NOX3: variants seen among roughly 807,000 people sequenced by gnomAD.
NOX3 encodes the protein NADPH oxidase catalytic subunit-like 3.
A neutral mutation model predicts 76.7 loss-of-function variants in NOX3; 74 were observed. The observed-to-expected ratio is 0.96, with a 90% CI of 0.80 to 1.17. NOX3 has a LOEUF of 1.17. Ranked by LOEUF, NOX3 falls within the 50% of genes most tolerant of loss-of-function variation. The pLI is 0.00. For synonymous variants in NOX3, 263 were observed against 261.1 expected (o/e 1.01, Z -0.07); for missense variants, 695 against 703.3 (o/e 0.99, Z 0.13).
chr6:155,451,628 T>G (rs1777140868), intron 4 of NOX3, among the ~76,000 whole-genome samples: 2 of 151,670 alleles, frequency 1.3e-5, no homozygotes, highest in African/African-American at 4.8e-5. Context: ...TTCTGTTGTA[T>G]TTTTTTTTCT....
intron 9 of NOX3, among the ~76,000 whole-genome samples, chr6:155,423,113 A>G (rs1776712298): frequency 6.6e-6 from 1 of 152,182 alleles, no homozygotes; most frequent in South Asian, 2.1e-4. Flanking sequence ...CTCTCGCTAT[A>G]GCTCAGGCCT....
chr6:155,436,139 A>T (rs936664246), intron 7 of NOX3, among the ~76,000 whole-genome samples: 2 of 151,802 alleles, frequency 1.3e-5, no homozygotes, highest in African/African-American at 4.8e-5. Flanking sequence ...CCCAAGGCTG[A>T]CTCCTCCAGG....
intron 9 of NOX3, among the ~76,000 whole-genome samples, chr6:155,427,160 T>C (rs903274544): frequency 1.3e-5 from 2 of 151,962 alleles, no homozygotes; most frequent in Non-Finnish European, 2.9e-5. Flanking sequence ...AAAAAGAAAA[T>C]AGTCATGTGT....
chr6:155,395,735 C>A (rs151223), intron 13 of NOX3, among the ~76,000 whole-genome samples, 161 bp from the exon 14 acceptor site: 41,981 of 151,940 alleles, frequency 0.28, 7,140 homozygotes, highest in African/African-American at 0.48. Context: ...GATGTGAGGA[C>A]TACTTTGTAA....
chr6:155,428,725 T>C (rs1197918813), intron 9 of NOX3, 69 bp downstream of exon 9: 2 of 1,367,636 alleles, frequency 1.5e-6, no homozygotes, highest in Non-Finnish European at 1.9e-6. Flanking sequence ...TCAGGTAGCA[T>C]GTTGATACAT....
chr6:155,422,778 C>T lies in NOX3; in HGVS notation c.1224G>A (p.Gly408=), dbSNP rs749400027. 6.2e-7 allele frequency: 1 copy of T among 1,614,170 alleles called. No homozygotes were observed. The highest frequency in any genetic ancestry group is 1.1e-5 in the South Asian group (1 of 91,078). ...HYPVCVCVAA[G]IGVTPFAALL... ...GAGCAGCGAAGGGAGTGACTCCGAT[C>T]CCCGCGGCAACGCACACACACACTG... The change falls in exon 10 of 14, where the codon GGG becomes GGA. Residue 408 remains glycine, a synonymous_variant. Transcript: ENST00000159060.
intron 7 of NOX3, among the ~76,000 whole-genome samples, chr6:155,433,720 A>G (rs1212237271): frequency 6.7e-6 from 1 of 149,034 alleles, no homozygotes; most frequent in Admixed American, 6.6e-5. Flanking sequence ...ATGGAGGAGA[A>G]AGTTCATGGC....
intron 4 of NOX3, among the ~76,000 whole-genome samples, chr6:155,444,065 A>G (rs6936800): frequency 0.6 from 91,295 of 152,042 alleles, 27,565 homozygotes; most frequent in South Asian, 0.63. Flanking sequence ...GTATGTATAT[A>G]ATGTAAATGA....
intron 12 of NOX3, among the ~76,000 whole-genome samples, chr6:155,405,591 A>G (rs1346515109): frequency 6.6e-6 from 1 of 152,114 alleles, no homozygotes; most frequent in East Asian, 1.9e-4. Context: ...ACATGTCACA[A>G]ACTGAACTCC....
chr6:155,403,078 C>T (rs771422789), intron 12 of NOX3, among the ~76,000 whole-genome samples: 1 of 152,196 alleles, frequency 6.6e-6, no homozygotes, highest in Non-Finnish European at 1.5e-5. Context: ...TTGTGCAGAA[C>T]AGTAATTGGA....
In NOX3 at chr6:155,443,337, G is replaced by A. The variant is rs1047643654; in HGVS notation, c.422C>T (p.Ala141Val). The A allele has an allele frequency of 2.5e-6, 4 of 1,614,012 alleles. No individual in the cohort carries two copies. The highest frequency in any genetic ancestry group is 3.4e-6 in the Non-Finnish European group (4 of 1,180,010). Residue 141 changes from alanine (A) to valine (V), a missense_variant, in exon 5 of 14, where the codon GCA becomes GTA. Transcript: ENST00000159060. ...QSEEAQGLLA[A>V]LSKLGNTPNE... ...AGGGGTGTTGCCCAGCTTGGAAAGT[G>A]CGGCCAGAAGTCCCTGGGCCTCCTC...
intron 12 of NOX3, among the ~76,000 whole-genome samples, chr6:155,400,219 T>C (rs1037403710): frequency 1.3e-5 from 2 of 152,194 alleles, no homozygotes; most frequent in African/African-American, 4.8e-5. Flanking sequence ...CCAGCAGATA[T>C]ATGGGCGTGT....
intron 4 of NOX3, among the ~76,000 whole-genome samples, chr6:155,451,858 G>A (rs1246250210): frequency 6.6e-6 from 1 of 151,842 alleles, no homozygotes; most frequent in Non-Finnish European, 1.5e-5. Flanking sequence ...GAACTTCTGA[G>A]CTCAAGCAAT....
intron 11 of NOX3, among the ~76,000 whole-genome samples, 198 bp downstream of exon 11, chr6:155,411,016 C>CT (rs1018288917): frequency 5.0e-4 from 76 of 152,266 alleles, no homozygotes; most frequent in African/African-American, 1.8e-3. Context: ...ACTGTAGCTT[C>CT]TTTTTTTGGT....
chr6:155,443,960 T>C (rs1317304426), intron 4 of NOX3, among the ~76,000 whole-genome samples: 1 of 152,216 alleles, frequency 6.6e-6, no homozygotes, highest in African/African-American at 2.4e-5. Context: ...AGCATAATTA[T>C]ATATGAAATA....
intron 1 of NOX3, 79 bp downstream of exon 1, chr6:155,455,674 G>T: frequency 2.7e-6 from 3 of 1,103,154 alleles, no homozygotes; most frequent in South Asian, 1.3e-5. Flanking sequence ...GCTATTTAGC[G>T]TTCCTATACA....
At chr6:155,416,642 T>C (rs1776624106) in intron 10 of NOX3, among the ~76,000 whole-genome samples, 1 of 152,186 alleles carries the variant, frequency 6.6e-6, no homozygotes, top group African/African-American at 2.4e-5. Context: ...ATGACTATAT[T>C]GCTACTTCGC....
intron 7 of NOX3, among the ~76,000 whole-genome samples, chr6:155,433,124 G>A (rs542767163): frequency 1.4e-4 from 22 of 152,130 alleles, no homozygotes; most frequent in Non-Finnish European, 3.1e-4. Flanking sequence ...CACGATCTCT[G>A]ATATTTTCCA....
At chr6:155,443,197 T>A in intron 5 of NOX3, 76 bp downstream of exon 5, 1 of 1,375,962 alleles carries the variant, frequency 7.3e-7, no homozygotes. Context: ...AGCTTTTCAA[T>A]ATAGCGTTCC....
Sources: gnomAD v4.1 joint callset for allele counts (sites outside exome capture counted in the v4.1 genomes callset) on GRCh38, gnomAD v4.1.1 for gene constraint, MANE v1.5 for transcripts, NCBI Gene and HGNC (gene_info 2026-07-23, HGNC 2026-07-21) for gene names.